The following XRN2 variants were observed in gnomAD, a reference collection of about 807,000 sequenced individuals.
XRN2 encodes the protein DHM1-like protein.
A neutral mutation model predicts 138.5 loss-of-function variants in XRN2; 44 were observed. That is an observed-to-expected ratio of 0.32 (90% CI 0.25 to 0.41). The LOEUF is 0.41. Ranked by LOEUF, XRN2 falls within the 10% of genes least tolerant of loss-of-function variation. The pLI is 1.00. For missense variants in XRN2, 937 were observed against 1,169.3 expected (o/e 0.80, Z 2.90); for synonymous variants, 354 against 369.4 (o/e 0.96, Z 0.48).
intron 4 of XRN2, 21 bp from the exon 5 acceptor site, chr20:21,330,460 A>C (rs771729651): frequency 3.2e-5 from 52 of 1,611,756 alleles, no homozygotes; most frequent in Non-Finnish European, 4.3e-5. Flanking sequence ...GGGAGAACAA[A>C]ACGTTGCCTC....
intron 1 of XRN2, among the ~76,000 whole-genome samples, chr20:21,315,572 A>C (rs2122173592): frequency 6.6e-6 from 1 of 152,284 alleles, no homozygotes; most frequent in South Asian, 2.1e-4. Context: ...AGCTCACTGC[A>C]ACCTCCATCT....
chr20:21,305,289 G>A (rs1288745876), intron 1 of XRN2, among the ~76,000 whole-genome samples: 1 of 152,114 alleles, frequency 6.6e-6, no homozygotes, highest in African/African-American at 2.4e-5. Flanking sequence ...ACGGAGTCTC[G>A]CTATGTCTCT....
At chr20:21,376,310 A>G (rs1184632532) in intron 27 of XRN2, among the ~76,000 whole-genome samples, 2 of 152,152 alleles carry the variant, frequency 1.3e-5, no homozygotes, top group African/African-American at 4.8e-5. Context: ...GAGCTATGAT[A>G]GCCCACTGCC....
intron 1 of XRN2, chr20:21,303,695 T>C (rs1233715054): frequency 2.3e-6 from 3 of 1,283,016 alleles, no homozygotes; most frequent in Non-Finnish European, 2.9e-6. Context: ...GGCAAGGGCC[T>C]ATAGGGTTCC....
intron 24 of XRN2, among the ~76,000 whole-genome samples, chr20:21,361,231 T>C (rs569214573): frequency 6.1e-4 from 93 of 152,354 alleles, no homozygotes; most frequent in Non-Finnish European, 1.0e-3. Flanking sequence ...CACTGTTCAG[T>C]TTCCTTATTT....
At chr20:21,336,477 T>A (rs1038711995) in intron 13 of XRN2, among the ~76,000 whole-genome samples, 6 of 151,952 alleles carry the variant, frequency 3.9e-5, no homozygotes, top group Non-Finnish European at 8.8e-5. Context: ...GAAAAAAAAA[T>A]TGTTATTGAA....
chr20:21,340,884 A>G lies in XRN2; in HGVS notation c.1410+32A>G, dbSNP rs17811912. ...GGCTTACTTTTATGTGACATTTAAGAGTGGTGAATATCACATACCTCTTGC... is the reference window on the plus strand; with the variant it reads ...GGCTTACTTTTATGTGACATTTAAGGGTGGTGAATATCACATACCTCTTGC... On this transcript the variant is annotated intron_variant, in intron 15 of 29. Transcript: ENST00000377191. The G allele has an allele frequency of 2.7e-4, 434 of 1,612,842 alleles. 2 individuals are homozygous for G. The East Asian group carries it at 9.0e-3, about 34-fold the overall frequency.
At chr20:21,374,736 A>G (rs919616432) in intron 27 of XRN2, among the ~76,000 whole-genome samples, 1 of 152,050 alleles carries the variant, frequency 6.6e-6, no homozygotes, top group African/African-American at 2.4e-5. Context: ...TCTATGTATT[A>G]TGAGAGAGAT....
chr20:21,303,973 G>GTGTTCAGGACCAT (rs1293546766), intron 1 of XRN2: 1 of 541,008 alleles, frequency 1.8e-6, no homozygotes, highest in African/African-American at 2.1e-5. Flanking sequence ...TTTTCTCCTA[G>GTGTTCAGGACCAT]TGTTCAGGAC....
chr20:21,357,661 T>C, intron 23 of XRN2, 75 bp from the exon 24 acceptor site: 1 of 1,222,426 alleles, frequency 8.2e-7, no homozygotes, highest in Non-Finnish European at 1.1e-6. Flanking sequence ...CTAACAAACA[T>C]AGCAACATCT....
intron 24 of XRN2, among the ~76,000 whole-genome samples, chr20:21,363,956 G>A (rs1017319146): frequency 6.6e-6 from 1 of 151,938 alleles, no homozygotes; most frequent in African/African-American, 2.4e-5. Flanking sequence ...TTTTGAGACG[G>A]AGTCTCACTC....
At chr20:21,311,304 A>G (rs898556492) in intron 1 of XRN2, among the ~76,000 whole-genome samples, 1 of 152,154 alleles carries the variant, frequency 6.6e-6, no homozygotes, top group Non-Finnish European at 1.5e-5. Context: ...TGCCTATTCT[A>G]GTTACCTTAT....
intron 1 of XRN2, among the ~76,000 whole-genome samples, chr20:21,315,325 A>G (rs528748383): frequency 3.9e-5 from 6 of 152,226 alleles, no homozygotes; most frequent in Non-Finnish European, 8.8e-5. Flanking sequence ...ACTTGCCAAC[A>G]CTTGTTATCT....
At chr20:21,309,333 TCTAGAA>T (rs1443306506) in intron 1 of XRN2, among the ~76,000 whole-genome samples, 1 of 152,220 alleles carries the variant, frequency 6.6e-6, no homozygotes, top group Non-Finnish European at 1.5e-5. Context: ...CTTTAGTTGA[TCTAGAA>T]CTATTGAGGT....
chr20:21,333,721 C>A lies in XRN2; in HGVS notation c.951C>A (p.Leu317=), dbSNP rs1257774891. ...NVLREYLERE[L]TMASLPFTFD... ...GGTTGTAGTATTTGGAAAGAGAACT[C>A]ACAATGGCCAGCCTACCATTCACAT... The change falls in exon 11 of 30, where the codon CTC becomes CTA. Residue 317 remains leucine (L), a synonymous_variant. Coordinates refer to ENST00000377191, the MANE Select transcript of XRN2 (RefSeq NM_012255.5). 6.2e-7 allele frequency: 1 copy of A among 1,614,058 alleles called. No homozygotes were observed. The highest frequency in any genetic ancestry group is 1.1e-5 in the South Asian group (1 of 91,080).
rs1307508043 is a variant in XRN2 at position 21,326,337 on chromosome 20, A to G, written c.134A>G (p.Asp45Gly). The stretch of plus-strand genomic sequence containing the variant: ...GATGCCAGTAAACCTAATCCAAATG[A>G]TGTGGAGTTTGATAATCTGTATTTG... ...PVDASKPNPN[D>G]VEFDNLYLDM... The change falls in exon 2 of 30, where the codon GAT (aspartate) becomes GGT (glycine). Residue 45 changes from aspartate (D) to glycine (G), a missense_variant. Coordinates refer to ENST00000377191, the MANE Select transcript of XRN2 (RefSeq NM_012255.5). 5 of 1,613,816 alleles carry G rather than the reference A, an allele frequency of 3.1e-6. No homozygotes were observed. In the Admixed American group the frequency reaches 6.7e-5, roughly 22 times the overall value.
At chr20:21,316,185 C>T (rs1207274581) in intron 1 of XRN2, among the ~76,000 whole-genome samples, 3 of 152,098 alleles carry the variant, frequency 2.0e-5, no homozygotes, top group Admixed American at 6.5e-5. Context: ...ACCCAGGAGG[C>T]GGAGGTTGCA....
chr20:21,341,789 A>G (rs749832740), intron 15 of XRN2, among the ~76,000 whole-genome samples: 7 of 152,200 alleles, frequency 4.6e-5, no homozygotes, highest in Non-Finnish European at 8.8e-5. Context: ...AGTGACTACC[A>G]TCCCCGCAGA....
At chr20:21,338,682 GT>G (rs1461212936) in intron 13 of XRN2, among the ~76,000 whole-genome samples, 1 of 152,092 alleles carries the variant, frequency 6.6e-6, no homozygotes, top group Non-Finnish European at 1.5e-5. Context: ...TTGTTGAGTT[GT>G]TTATTTTATT....
Sources: gnomAD v4.1 joint callset for allele counts (sites outside exome capture counted in the v4.1 genomes callset) on GRCh38, gnomAD v4.1.1 for gene constraint, MANE v1.5 for transcripts, NCBI Gene and HGNC (gene_info 2026-07-23, HGNC 2026-07-21) for gene names.